BNC2: variants seen among roughly 807,000 people sequenced by gnomAD.
BNC2 encodes basonuclin zinc finger protein 2.
Under a neutral mutation model 76.3 loss-of-function variants are expected in BNC2, and 20 were observed. The ratio of observed to expected loss-of-function variants is 0.26; its 90% CI spans 0.18 to 0.38. The LOEUF (loss-of-function observed/expected upper bound fraction) is 0.38. Ranked by LOEUF, BNC2 falls within the 10% of genes least tolerant of loss-of-function variation. The pLI, the probability that BNC2 is intolerant of heterozygous loss-of-function variation, is 1.00. For missense variants in BNC2, 1,382 were observed against 1,399.8 expected (o/e 0.99, Z 0.20); for synonymous variants, 582 against 514.8 (o/e 1.13, Z -1.77).
intron 5 of BNC2, among the ~76,000 whole-genome samples, chr9:16,505,604 T>C (rs1216067173): frequency 6.6e-6 from 1 of 152,140 alleles, no homozygotes; most frequent in African/African-American, 2.4e-5. Flanking sequence ...CTTGAAACAC[T>C]AAAGCTGTTC....
chr9:16,422,965 G>A (rs1820737507), intron 6 of BNC2, among the ~76,000 whole-genome samples: 1 of 152,186 alleles, frequency 6.6e-6, no homozygotes, highest in South Asian at 2.1e-4. Context: ...CTGAAGAGGT[G>A]AAAAGAGAAG....
intron 5 of BNC2, among the ~76,000 whole-genome samples, chr9:16,537,396 T>C (rs1035036277): frequency 2.0e-5 from 3 of 152,094 alleles, no homozygotes; most frequent in African/African-American, 7.2e-5. Context: ...AGAAATATTA[T>C]TGCTGTAAAA....
chr9:16,439,191 C>T (rs981704662), intron 5 of BNC2, among the ~76,000 whole-genome samples: 4 of 152,162 alleles, frequency 2.6e-5, no homozygotes, highest in African/African-American at 9.7e-5. Flanking sequence ...AAACTCTTTC[C>T]TTTATAAATT....
rs530821002 is a variant in BNC2 at position 16,829,809 on chromosome 9, G to T, written c.3+40837C>A. ...ATTACTTAAAAAAATAAGTAACCAA[G>T]CTTAAAAATACTTAAGAAAAATAAA... On this transcript the variant is annotated intron_variant, in intron 1 of 6. Coordinates refer to ENST00000380672, the MANE Select transcript of BNC2 (RefSeq NM_017637.6). 5.7e-4 allele frequency among the ~76,000 whole-genome samples: 87 copies of T among 152,200 alleles called. 1 individual carries two copies. The South Asian group carries it at 0.015, about 27-fold the overall frequency.
chr9:16,820,794 G>T (rs915391480), intron 1 of BNC2, among the ~76,000 whole-genome samples: 1 of 150,870 alleles, frequency 6.6e-6, no homozygotes, highest in South Asian at 2.1e-4. Flanking sequence ...AACAGGCCAA[G>T]TGTATAAAGG....
chr9:16,761,162 C>A (rs1825541570), intron 1 of BNC2, among the ~76,000 whole-genome samples: 1 of 152,026 alleles, frequency 6.6e-6, no homozygotes, highest in Non-Finnish European at 1.5e-5. Flanking sequence ...GCAGGAAGCT[C>A]ACTTGAGCCT....
At chr9:16,652,093 T>C (rs1043746041) in intron 3 of BNC2, among the ~76,000 whole-genome samples, 1 of 152,192 alleles carries the variant, frequency 6.6e-6, no homozygotes, top group Non-Finnish European at 1.5e-5. Context: ...ATTTTGTTAA[T>C]ACCCAAAGGC....
intron 3 of BNC2, among the ~76,000 whole-genome samples, chr9:16,677,864 AAATTCGCC>A (rs1407504131): frequency 6.6e-6 from 1 of 152,204 alleles, no homozygotes; most frequent in Non-Finnish European, 1.5e-5. Flanking sequence ...TTCTTTCAAA[AAATTCGCC>A]AATGGTCACA....
At chr9:16,576,136 A>C (rs1819479083) in intron 4 of BNC2, among the ~76,000 whole-genome samples, 1 of 152,194 alleles carries the variant, frequency 6.6e-6, no homozygotes. Flanking sequence ...GCTACTGTTC[A>C]CCAAACCCTA....
intron 5 of BNC2, among the ~76,000 whole-genome samples, chr9:16,467,554 C>T (rs570694380): frequency 6.7e-4 from 89 of 132,070 alleles, no homozygotes; most frequent in African/African-American, 2.5e-3. Flanking sequence ...AAATTGGAAA[C>T]CATCATTCTC....
intron 3 of BNC2, among the ~76,000 whole-genome samples, chr9:16,645,604 T>A (rs1821602028): frequency 6.6e-6 from 1 of 152,164 alleles, no homozygotes; most frequent in African/African-American, 2.4e-5. Flanking sequence ...TGGAATCACA[T>A]CCTTGTCCCA....
intron 3 of BNC2, among the ~76,000 whole-genome samples, chr9:16,585,794 G>A (rs1819751949): frequency 6.6e-6 from 1 of 152,058 alleles, no homozygotes; most frequent in Non-Finnish European, 1.5e-5. Context: ...GAGTCGAAAT[G>A]AATATGCTTT....
At chr9:16,784,210 A>C (rs1023937743) in intron 1 of BNC2, among the ~76,000 whole-genome samples, 2 of 152,226 alleles carry the variant, frequency 1.3e-5, no homozygotes, top group African/African-American at 2.4e-5. Context: ...AGTTGCTCAC[A>C]ATGTAGCAGG....
At chr9:16,845,900 A>T (rs7037781) in intron 1 of BNC2, among the ~76,000 whole-genome samples, 1 of 152,124 alleles carries the variant, frequency 6.6e-6, no homozygotes, top group Non-Finnish European at 1.5e-5. Flanking sequence ...CTGTAATCCC[A>T]GCACTTTGGG....
chr9:16,685,772 G>T, intron 3 of BNC2: 1 of 403,316 alleles, frequency 2.5e-6, no homozygotes. Context: ...GTGACACTTA[G>T]TATGTCAAAT....
At chr9:16,759,349 TATTAG>T (rs1423266670) in intron 1 of BNC2, among the ~76,000 whole-genome samples, 1 of 152,216 alleles carries the variant, frequency 6.6e-6, no homozygotes, top group African/African-American at 2.4e-5. Context: ...TCTGTATAGA[TATTAG>T]AGAGGACTTT....
intron 1 of BNC2, among the ~76,000 whole-genome samples, chr9:16,772,474 G>C (rs1156911873): frequency 6.6e-6 from 1 of 151,934 alleles, no homozygotes; most frequent in East Asian, 1.9e-4. Context: ...AATAGCTTAA[G>C]TCATCATATA....
intron 3 of BNC2, among the ~76,000 whole-genome samples, chr9:16,623,049 A>C (rs1298754793): frequency 6.6e-6 from 1 of 152,172 alleles, no homozygotes; most frequent in African/African-American, 2.4e-5. Flanking sequence ...GATTAAATGC[A>C]AGTCAGAAAT....
intron 1 of BNC2, among the ~76,000 whole-genome samples, chr9:16,792,483 G>C (rs1449537311): frequency 6.6e-6 from 1 of 152,190 alleles, no homozygotes; most frequent in South Asian, 2.1e-4. Flanking sequence ...ATCATTGCCA[G>C]TTAGTTCTGC....
Sources: gnomAD v4.1 joint callset for allele counts (sites outside exome capture counted in the v4.1 genomes callset) on GRCh38, gnomAD v4.1.1 for gene constraint, MANE v1.5 for transcripts, NCBI Gene and HGNC (gene_info 2026-07-23, HGNC 2026-07-21) for gene names.